The following GTPBP1 variants were observed in gnomAD, a reference collection of about 807,000 sequenced individuals.
GTPBP1 encodes the protein GTP binding protein 1.
In GTPBP1, 23 loss-of-function variants were observed where a neutral mutation model predicts 62.0. The observed-to-expected ratio is 0.37, with a 90% CI of 0.27 to 0.53. The LOEUF is 0.53. Ranked by LOEUF, GTPBP1 falls within the 20% of genes least tolerant of loss-of-function variation. The pLI, the probability that GTPBP1 is intolerant of heterozygous loss-of-function variation, is 0.89. For missense variants in GTPBP1, 640 were observed against 917.3 expected (o/e 0.70, Z 3.90); for synonymous variants, 344 against 364.4 (o/e 0.94, Z 0.64).
At chr22:38,742,869 G>A, downstream of GTPBP1, 1 of 279,810 alleles carries the variant, frequency 3.6e-6, no homozygotes. Context: ...GGTCCAGGAG[G>A]AGGACTGGAA....
chr22:38,716,027 G>A lies in GTPBP1; in HGVS notation c.425G>A (p.Gly142Asp). 1.2e-6 allele frequency: 2 copies of A among 1,613,954 alleles called. No individual in the cohort carries two copies. Among genetic ancestry groups the A allele is most frequent in the Non-Finnish European group, 8.5e-7 (1 of 1,179,862 alleles). The change falls in exon 3 of 12, where the codon GGC (glycine) becomes GAC (aspartate). Residue 142 changes from glycine (G) to aspartate (D), a missense_variant. By Grantham distance (94) the Gly-to-Asp change is moderately conservative. Coordinates refer to ENST00000216044, the MANE Select transcript of GTPBP1 (RefSeq NM_004286.5). This position sits in a 1 kb window ranked among gnomAD's most constrained non-coding sequence, Gnocchi z 5.2. The part of the protein sequence containing the change: ...ILLRERQEAG[G>D]RVRDYLVRKR... The stretch of plus-strand genomic sequence containing the variant: ...CTGCGGGAACGGCAAGAAGCTGGGG[G>A]CCGCGTGCGTGATTACCTGGTCCGG...
chr22:38,741,361 A>G, downstream of GTPBP1: 2 of 916,068 alleles, frequency 2.2e-6, no homozygotes, highest in Non-Finnish European at 3.4e-6. Context: ...CAAACAGAGA[A>G]GTCAGAGGAG....
At chr22:38,720,266 C>T (rs2092692875) in intron 4 of GTPBP1, among the ~76,000 whole-genome samples, 1 of 151,958 alleles carries the variant, frequency 6.6e-6, no homozygotes, top group Non-Finnish European at 1.5e-5. Context: ...CTTGCCCAGG[C>T]TGGAGTGCAA....
downstream of GTPBP1, chr22:38,741,179 CA>C: frequency 9.6e-7 from 1 of 1,036,616 alleles, no homozygotes; most frequent in Non-Finnish European, 1.5e-6. Context: ...ACCCCTGCAG[CA>C]AAAATCAAAC....
downstream of GTPBP1, chr22:38,738,394 C>T (rs944534923): frequency 6.9e-5 from 76 of 1,096,540 alleles, no homozygotes; most frequent in African/African-American, 9.6e-4. This position sits in a 1 kb window ranked among gnomAD's most constrained non-coding sequence, Gnocchi z 6.6. Flanking sequence ...ACTTCACTCT[C>T]TTGTGCCACA....
rs2092623285 is a variant in GTPBP1, at chr22:38,709,095, C to T, written c.304+139C>T. On this transcript the variant is annotated intron_variant, in intron 2 of 11. Coordinates refer to ENST00000216044, the MANE Select transcript of GTPBP1 (RefSeq NM_004286.5). ...GTCAGGAGTTCGAGACCAGCCTGGC[C>T]AACATGGTGAAACCCCATCTCTACT... 4 of 547,600 alleles carry T rather than the reference C, an allele frequency of 7.3e-6. No homozygotes were observed. The South Asian group carries it at 7.7e-5, about 11-fold the overall frequency. 33.9% of individuals were successfully genotyped at this position (547,600 alleles called of 1,614,324 possible). A position where few individuals can be genotyped will look rare whatever the true frequency, so the allele number is the denominator to read the frequency against.
chr22:38,723,552 G>C (rs187813811), intron 5 of GTPBP1: 1 of 601,854 alleles, frequency 1.7e-6, no homozygotes, highest in South Asian at 2.0e-5. Context: ...CTTAGGTCTT[G>C]GCCTGAATTT....
rs150785717 is a variant in GTPBP1 at position 38,727,469 on chromosome 22, T to C, written c.1537+121T>C. ...CTGGGTGGTAGGCCTCCTTCCTGTT[T>C]AGTGATGCCGTTCCTTCTGTTCTAC... is the stretch of plus-strand genomic sequence containing the variant. On this transcript the variant is annotated intron_variant, in intron 9 of 11. Coordinates refer to ENST00000216044, the MANE Select transcript of GTPBP1 (RefSeq NM_004286.5). The surrounding 1 kb of genome is among the most constrained non-coding windows in gnomAD (Gnocchi z 6.5). 9 of 911,490 alleles carry C rather than the reference T, an allele frequency of 9.9e-6. No homozygotes were observed. Among genetic ancestry groups the C allele is most frequent in the Non-Finnish European group, 1.5e-5 (9 of 616,510 alleles). 56.5% of individuals were successfully genotyped at this position (911,490 alleles called of 1,614,324 possible).
Position 38,731,389 on chromosome 22 carries a change from C to T in GTPBP1, c.*685C>T, listed in dbSNP as rs936766152. The T allele has an allele frequency of 6.6e-6, 1 of 152,670 alleles. No homozygotes were observed. Among genetic ancestry groups the T allele is most frequent in the African/African-American group, 2.4e-5 (1 of 41,456 alleles). The allele number at this position is 152,670 out of a possible 1,614,324, so 9.5% of individuals were successfully genotyped here. ...CCACAGATTCAGGTCATGCCAAAAG[C>T]TCTCTGGTTGTAACCTGGAGACATG... On this transcript the variant is annotated 3_prime_UTR_variant, in exon 12 of 12. Transcript: ENST00000216044.
downstream of GTPBP1, chr22:38,736,289 A>G: frequency 6.2e-7 from 1 of 1,613,662 alleles, no homozygotes; most frequent in South Asian, 1.1e-5. Flanking sequence ...CTCCCCATGC[A>G]CTCTGAAGCG....
rs2092706901 is a variant in GTPBP1 at position 38,722,728 on chromosome 22, A to G, written c.958+863A>G. On this transcript the variant is annotated intron_variant, in intron 5 of 11. Coordinates refer to ENST00000216044, the MANE Select transcript of GTPBP1 (RefSeq NM_004286.5). ...TTCTCTGGGGTGAGAAGGTGCAGAT[A>G]CACATGGGTGATCTACTGATTTACC... The G allele has an allele frequency of 5.6e-6, 9 of 1,602,370 alleles. No individual in the cohort carries two copies. In the Admixed American group the frequency reaches 1.5e-4, roughly 27 times the overall value.
rs891752109 is a variant in GTPBP1 at position 38,730,852 on chromosome 22, A to C, written c.*148A>C. ...CGCATTGCCCCCACCCCCATTTTCC[A>C]GGGGGGTTGTAATTTATAAGCTGAC... is the stretch of plus-strand genomic sequence containing the variant. On this transcript the variant is annotated 3_prime_UTR_variant, in exon 12 of 12. Coordinates refer to ENST00000216044, the MANE Select transcript of GTPBP1 (RefSeq NM_004286.5). This position sits in a 1 kb window ranked among gnomAD's most constrained non-coding sequence, Gnocchi z 5.6. 1 of 561,540 alleles carries C rather than the reference A, an allele frequency of 1.8e-6. No individual in the cohort carries two copies. The highest frequency in any genetic ancestry group is 3.5e-5 in the Admixed American group (1 of 28,930). 34.8% of individuals were successfully genotyped at this position (561,540 alleles called of 1,614,324 possible).
At chr22:38,741,427 C>G (rs2092856661), downstream of GTPBP1, 1 of 1,513,118 alleles carries the variant, frequency 6.6e-7, no homozygotes, top group Non-Finnish European at 9.1e-7. Flanking sequence ...GCCGAGGGGT[C>G]CGAGGTGAAC....
In GTPBP1 at chr22:38,712,037, C is replaced by T. The variant is rs186108616; in HGVS notation, c.304+3081C>T. On this transcript the variant is annotated intron_variant, in intron 2 of 11. Transcript: ENST00000216044. ...CTGGGACTACAGGTACCTGCCACCACGCCTGGCTAATTTTTGTATTTTTAT... is the reference window on the plus strand; with the variant it reads ...CTGGGACTACAGGTACCTGCCACCATGCCTGGCTAATTTTTGTATTTTTAT... Among the ~76,000 whole-genome samples the T allele has an allele frequency of 5.1e-3, 783 of 152,094 alleles. 14 individuals carry two copies. Among genetic ancestry groups the T allele is most frequent in the African/African-American group, 0.018 (761 of 41,476 alleles).
At chr22:38,742,180 T>A, downstream of GTPBP1, 13 of 1,228,850 alleles carry the variant, frequency 1.1e-5, no homozygotes, top group South Asian at 6.9e-5. Flanking sequence ...AGAAAGGGAG[T>A]AACTGCAAAA....
At chr22:38,729,727 T>G in intron 11 of GTPBP1, 65 bp downstream of exon 11, 3 of 1,258,976 alleles carry the variant, frequency 2.4e-6, no homozygotes, top group Non-Finnish European at 3.1e-6. Flanking sequence ...TCTGATTCGG[T>G]GAGGGTGACA....
In GTPBP1 at chr22:38,727,629, G is replaced by A. The variant is rs915633804; in HGVS notation, c.1537+281G>A. 1.3e-5 allele frequency among the ~76,000 whole-genome samples: 2 copies of A among 152,226 alleles called. No homozygotes were observed. The highest frequency in any genetic ancestry group is 2.9e-5 in the Non-Finnish European group (2 of 68,044). ...ACGCTGCTATGTGCCCAGCGGTGTTGCTAAGGTGCTGGGAACAAAGATGAA... is the reference window on the plus strand; with the variant it reads ...ACGCTGCTATGTGCCCAGCGGTGTTACTAAGGTGCTGGGAACAAAGATGAA... On this transcript the variant is annotated intron_variant, in intron 9 of 11. Coordinates refer to ENST00000216044, the MANE Select transcript of GTPBP1 (RefSeq NM_004286.5). The surrounding 1 kb of genome is among the most constrained non-coding windows in gnomAD (Gnocchi z 6.5).
At chr22:38,736,222 T>C, downstream of GTPBP1, 1 of 1,564,624 alleles carries the variant, frequency 6.4e-7, no homozygotes, top group South Asian at 1.1e-5. Flanking sequence ...CGGGGTGCTG[T>C]TCACCCACTC....
intron 10 of GTPBP1, 21 bp downstream of exon 10, chr22:38,728,182 G>T (rs774532820): frequency 1.3e-6 from 2 of 1,586,460 alleles, no homozygotes; most frequent in Non-Finnish European, 1.7e-6. Context: ...GACAGACCTT[G>T]CCTGCCTCCA....
Sources: allele counts gnomAD v4.1 joint callset (sites outside exome capture counted in the v4.1 genomes callset), GRCh38; gene constraint gnomAD v4.1.1; non-coding constraint Gnocchi (gnomAD v3.1); transcripts MANE v1.5; gene names NCBI Gene and HGNC (gene_info 2026-07-23, HGNC 2026-07-21).